The following SKAP2 variants were observed in gnomAD, a reference collection of about 807,000 sequenced individuals.
The protein encoded by SKAP2 is src kinase-associated phosphoprotein 2.
Under a neutral mutation model 54.9 loss-of-function variants are expected in SKAP2, and 28 were observed. The ratio of observed to expected loss-of-function variants is 0.51; its 90% CI spans 0.38 to 0.70. The LOEUF (loss-of-function observed/expected upper bound fraction) is 0.70. Ranked by LOEUF, SKAP2 falls within the 30% of genes least tolerant of loss-of-function variation. SKAP2 has a pLI of 0.00. For synonymous variants in SKAP2, 137 were observed against 134.3 expected, an observed-to-expected ratio of 1.02 and a Z score of -0.14; for missense variants, 356 against 424.1, an observed-to-expected ratio of 0.84 and a Z score of 1.41.
chr7:26,775,587 T>C (rs1164252328), intron 4 of SKAP2, among the ~76,000 whole-genome samples: 1 of 150,106 alleles, frequency 6.7e-6, no homozygotes, highest in Non-Finnish European at 1.5e-5. Flanking sequence ...TGGAATCTCA[T>C]CACCTGTGTA....
intron 6 of SKAP2, among the ~76,000 whole-genome samples, chr7:26,729,738 T>G (rs1386293425): frequency 6.6e-6 from 1 of 152,034 alleles, no homozygotes; most frequent in Non-Finnish European, 1.5e-5. Context: ...GGGAGTATGA[T>G]AAATATGGAG....
At chr7:26,701,481 C>T (rs1027038829) in intron 9 of SKAP2, among the ~76,000 whole-genome samples, 9 of 152,052 alleles carry the variant, frequency 5.9e-5, no homozygotes, top group African/African-American at 2.2e-4. Flanking sequence ...ACCTGTAATC[C>T]CAGCACTTTG....
At chr7:26,802,938 C>T (rs1248065685) in intron 4 of SKAP2, among the ~76,000 whole-genome samples, 1 of 151,902 alleles carries the variant, frequency 6.6e-6, no homozygotes, top group African/African-American at 2.4e-5. Flanking sequence ...GAAACTAGAC[C>T]CCTATCTCTC....
intron 11 of SKAP2, among the ~76,000 whole-genome samples, chr7:26,675,623 G>C (rs1225687616): frequency 1.3e-5 from 2 of 152,164 alleles, no homozygotes; most frequent in Non-Finnish European, 2.9e-5. Context: ...CATTTTGGAT[G>C]ATGCACCAGT....
At chr7:26,690,453 T>G (rs1452835865) in intron 9 of SKAP2, 91 bp from the exon 10 acceptor site, 1 of 770,830 alleles carries the variant, frequency 1.3e-6, no homozygotes, top group Non-Finnish European at 2.3e-6. Context: ...AAACTAAAAG[T>G]TTATAACACA....
intron 4 of SKAP2, among the ~76,000 whole-genome samples, chr7:26,823,673 C>T (rs756594815): frequency 1.3e-5 from 2 of 152,046 alleles, no homozygotes; most frequent in Admixed American, 1.3e-4. Context: ...ATCTTCATAA[C>T]AAAAAAGTGC....
At chr7:26,818,133 G>A (rs976145029) in intron 4 of SKAP2, among the ~76,000 whole-genome samples, 3 of 151,848 alleles carry the variant, frequency 2.0e-5, no homozygotes, top group African/African-American at 4.8e-5. Context: ...TAGCCAAGAT[G>A]ACCCTAAGCA....
chr7:26,808,077 G>A (rs1784066168), intron 4 of SKAP2, among the ~76,000 whole-genome samples: 1 of 152,104 alleles, frequency 6.6e-6, no homozygotes, highest in Non-Finnish European at 1.5e-5. Context: ...TCTGAGGTAT[G>A]GCTGTGATAA....
intron 9 of SKAP2, among the ~76,000 whole-genome samples, chr7:26,722,998 C>G (rs888842481): frequency 3.3e-5 from 5 of 152,130 alleles, no homozygotes; most frequent in African/African-American, 1.2e-4. Context: ...AGTCAGATAT[C>G]AGAGATACAT....
chr7:26,851,625 T>A lies in SKAP2; in HGVS notation c.199+2512A>T, dbSNP rs149456255. Among the ~76,000 whole-genome samples the A allele has an allele frequency of 1.1e-3, 165 of 151,374 alleles. 1 individual carries two copies. Among genetic ancestry groups the A allele is most frequent in the African/African-American group, 3.8e-3 (157 of 41,186 alleles). On this transcript the variant is annotated intron_variant, in intron 3 of 12. Transcript: ENST00000345317. ...AGATATACCTAATGTAAATGACGAG[T>A]TAATGGGTGCAGCACACCAACATGG...
chr7:26,787,645 T>C (rs550738433), intron 4 of SKAP2, among the ~76,000 whole-genome samples: 42 of 152,088 alleles, frequency 2.8e-4, no homozygotes, highest in Admixed American at 2.6e-3. Context: ...TTTTTACTCA[T>C]GGTGAAAGGC....
chr7:26,782,222 G>A (rs1367903628), intron 4 of SKAP2, among the ~76,000 whole-genome samples: 1 of 152,116 alleles, frequency 6.6e-6, no homozygotes, highest in African/African-American at 2.4e-5. Flanking sequence ...TGTTGCCACT[G>A]AAAAGTCACC....
chr7:26,791,072 T>G (rs1279087937), intron 4 of SKAP2, among the ~76,000 whole-genome samples: 2 of 152,122 alleles, frequency 1.3e-5, no homozygotes, highest in African/African-American at 4.8e-5. Flanking sequence ...GGATGTACAG[T>G]TGCCAAGTAA....
the SKAP2 span, among the ~76,000 whole-genome samples, chr7:26,659,338 C>T: frequency 3.3e-4 from 50 of 152,234 alleles, 1 homozygote; most frequent in African/African-American, 1.2e-3. Context: ...CAGCACATTA[C>T]ATTAATAAAC....
At chr7:26,843,887 A>T (rs1411871459) in intron 4 of SKAP2, 143 bp downstream of exon 4, 1 of 537,388 alleles carries the variant, frequency 1.9e-6, no homozygotes, top group Non-Finnish European at 3.3e-6. Context: ...CACTAGAGAG[A>T]GCTCTTCTGT....
chr7:26,746,560 C>T (rs1782563317), intron 4 of SKAP2: 1 of 150,790 alleles, frequency 6.6e-6, no homozygotes, highest in South Asian at 2.1e-4. Context: ...TTGATACTGA[C>T]TTCGAAATCC....
Position 26,864,420 on chromosome 7 carries a change from G to A in SKAP2, c.10C>T (p.Pro4Ser), listed in dbSNP as rs1341703922. ...GGGTAGGGAGAGGAGGTGCTGCTGG[G>A]GTTGGGCATGTTAGGGAGCGCAGGG... The part of the protein sequence containing the change: MPN[P>S]SSTSSPYPLP... Residue 4 changes from proline (P) to serine (S), a missense_variant, in exon 1 of 13, where the codon CCC (proline) becomes TCC (serine). Transcript: ENST00000345317. 2 of 1,608,924 alleles carry A rather than the reference G, an allele frequency of 1.2e-6. No homozygotes were observed. Among genetic ancestry groups the A allele is most frequent in the Non-Finnish European group, 1.7e-6 (2 of 1,177,524 alleles).
In SKAP2 at chr7:26,668,757, C is replaced by T. The variant is rs1326670645; in HGVS notation, c.*909G>A. 3 of 149,286 alleles carry T rather than the reference C, an allele frequency of 2.0e-5. No individual in the cohort carries two copies. Among genetic ancestry groups the T allele is most frequent in the Non-Finnish European group, 4.4e-5 (3 of 67,464 alleles). The allele number at this position is 149,286 out of a possible 1,614,324, so 9.2% of individuals were successfully genotyped here. A position where few individuals can be genotyped will look rare whatever the true frequency, so the allele number is the denominator to read the frequency against. The stretch of plus-strand genomic sequence containing the variant: ...CTTGGCTCACTGCAACCTCTGCCTA[C>T]CTTGTTCAAGCAATTCTCGTGCCTT... On this transcript the variant is annotated 3_prime_UTR_variant, in exon 13 of 13. Coordinates refer to ENST00000345317, the MANE Select transcript of SKAP2 (RefSeq NM_003930.5).
At chr7:26,761,352 AGCATTTGAAAATTTAG>A (rs1782925465) in intron 4 of SKAP2, among the ~76,000 whole-genome samples, 1 of 152,234 alleles carries the variant, frequency 6.6e-6, no homozygotes, top group Admixed American at 6.5e-5. Context: ...AATGATAACT[AGCATTTGAAAATTTAG>A]GCTGACATCT....
Sources: allele counts gnomAD v4.1 joint callset (sites outside exome capture counted in the v4.1 genomes callset), GRCh38; gene constraint gnomAD v4.1.1; transcripts MANE v1.5; gene names NCBI Gene and HGNC (gene_info 2026-07-23, HGNC 2026-07-21).